Variants in EHMT1 observed in about 807,000 individuals in gnomAD.
EHMT1 encodes the protein euchromatic histone lysine methyltransferase 1.
Under a neutral mutation model 147.2 loss-of-function variants are expected in EHMT1, and 15 were observed. That is an observed-to-expected ratio of 0.10 (90% confidence interval 0.07 to 0.16). EHMT1 has a LOEUF of 0.16. EHMT1 is among the 10% of genes least tolerant of loss of function. EHMT1 has a pLI of 1.00. For synonymous variants in EHMT1, 795 were observed against 709.6 expected (o/e 1.12, Z -1.91); for missense variants, 1,587 against 1,772.4 (o/e 0.90, Z 1.88).
chr9:137,687,015 C>T (rs1429686275), intron 1 of EHMT1, among the ~76,000 whole-genome samples: 1 of 152,196 alleles, frequency 6.6e-6, no homozygotes. Context: ...AGGCATGAGC[C>T]ACCGCGCTGG....
intron 1 of EHMT1, among the ~76,000 whole-genome samples, chr9:137,709,968 C>A (rs1944555700): frequency 6.6e-6 from 1 of 152,136 alleles, no homozygotes; most frequent in Non-Finnish European, 1.5e-5. Flanking sequence ...TCCAACTGCC[C>A]AGAGTGGTCA....
chr9:137,743,571 T>G, intron 5 of EHMT1, 43 bp downstream of exon 5: 1 of 1,613,314 alleles, frequency 6.2e-7, no homozygotes, highest in Non-Finnish European at 8.5e-7. Flanking sequence ...TGCGTGGAAA[T>G]GCGTTTCTGT....
chr9:137,762,534 G>A (rs906310908), intron 9 of EHMT1, 141 bp from the exon 10 acceptor site: 1 of 1,439,568 alleles, frequency 6.9e-7, no homozygotes, highest in African/African-American at 1.4e-5. Context: ...CCCCACGCAG[G>A]GCTGTTTGTG....
Position 137,775,033 on chromosome 9 carries a change from C to A in EHMT1, c.1648-76C>A. On this transcript the variant is annotated intron_variant, in intron 10 of 26. Transcript: ENST00000460843. The surrounding 1 kb of genome is among the most constrained non-coding windows in gnomAD (Gnocchi z 6.1). ...GCTGAGCAGCTCTTGTGTGCCTGCA[C>A]TGCCCAGCGCCTGGTGGGAGGGAAT... 1 of 1,604,808 alleles carries A rather than the reference C, an allele frequency of 6.2e-7. No individual in the cohort carries two copies. Among genetic ancestry groups the A allele is most frequent in the Non-Finnish European group, 8.5e-7 (1 of 1,173,164 alleles).
chr9:137,667,011 C>T (rs529556761), intron 1 of EHMT1: 1 of 152,274 alleles, frequency 6.6e-6, no homozygotes, highest in East Asian at 1.9e-4. Flanking sequence ...TCTCCTAGCT[C>T]TGAGGAAACT....
intron 1 of EHMT1, among the ~76,000 whole-genome samples, chr9:137,701,625 AT>A (rs139537570): frequency 0.02 from 2,340 of 115,610 alleles, 24 homozygotes; most frequent in South Asian, 0.034. Flanking sequence ...TGCCTGGCTA[AT>A]TTTTTTTTTT....
At chr9:137,645,095 G>A (rs1419150933) in intron 1 of EHMT1, among the ~76,000 whole-genome samples, 3 of 152,056 alleles carry the variant, frequency 2.0e-5, no homozygotes, top group African/African-American at 7.2e-5. Flanking sequence ...CTGCTCTCGA[G>A]CTCCTGGCCT....
intron 15 of EHMT1, among the ~76,000 whole-genome samples, chr9:137,789,647 C>T (rs912478302): frequency 5.9e-5 from 9 of 152,226 alleles, no homozygotes; most frequent in Non-Finnish European, 1.2e-4. Context: ...GTGGACCCTG[C>T]GTTCTCTTTG....
At chr9:137,668,499 A>G (rs886130009) in intron 1 of EHMT1, among the ~76,000 whole-genome samples, 3 of 152,166 alleles carry the variant, frequency 2.0e-5, no homozygotes, top group African/African-American at 4.8e-5. Context: ...ATGACTTACT[A>G]TATACCAGAA....
rs138878191 is a variant in EHMT1 at position 137,791,008 on chromosome 9, T to C, written c.2505+38T>C. The C allele has an allele frequency of 4.3e-5, 69 of 1,614,176 alleles. 1 individual carries two copies. The African/African-American group carries it at 7.2e-4, about 17-fold the overall frequency. The stretch of plus-strand genomic sequence containing the variant: ...GTCAGAATCAACGTCCTAGTGTGTG[T>C]GTAGACGTTTCTCAGAAAGCTGAGC... On this transcript the variant is annotated intron_variant, in intron 16 of 26. Coordinates refer to ENST00000460843, the MANE Select transcript of EHMT1 (RefSeq NM_024757.5).
intron 10 of EHMT1, among the ~76,000 whole-genome samples, chr9:137,773,389 T>G (rs1228081686): frequency 6.6e-6 from 1 of 151,782 alleles, no homozygotes; most frequent in Non-Finnish European, 1.5e-5. Context: ...GTTCCATAGG[T>G]TTGGGGTGGG....
chr9:137,630,906 A>C (rs1481115366), intron 1 of EHMT1, among the ~76,000 whole-genome samples: 1 of 152,114 alleles, frequency 6.6e-6, no homozygotes, highest in Non-Finnish European at 1.5e-5. Flanking sequence ...TTTCATAACC[A>C]CTGTAGACAG....
In EHMT1 at chr9:137,834,523, G is replaced by C; in HGVS notation, c.3715G>C (p.Gly1239Arg). 1 of 1,610,220 alleles carries C rather than the reference G, an allele frequency of 6.2e-7. No homozygotes were observed. Among genetic ancestry groups the C allele is most frequent in the Non-Finnish European group, 8.5e-7 (1 of 1,179,664 alleles). The change falls in exon 26 of 27, where the codon GGG (glycine) becomes CGG (arginine). Residue 1239 changes from glycine (G) to arginine (R), a missense_variant and splice_region_variant. Gly to Arg is a moderately radical substitution (Grantham distance 125, BLOSUM62 -2). Coordinates refer to ENST00000460843, the MANE Select transcript of EHMT1 (RefSeq NM_024757.5). ...TRLIEAGEQL[G>R]FDYGERFWDI... ...CCTGATCGAGGCCGGCGAGCAGCTC[G>C]GGTACGCACCGCCCCGGCCCCTGGC...
intron 16 of EHMT1, among the ~76,000 whole-genome samples, chr9:137,795,460 CACAT>C (rs1352614780): frequency 2.6e-5 from 4 of 150,988 alleles, no homozygotes; most frequent in Middle Eastern, 3.4e-3. Context: ...CAGACACACA[CACAT>C]AAACACATTC....
chr9:137,703,721 T>C (rs1456833012), intron 1 of EHMT1, among the ~76,000 whole-genome samples: 1 of 152,162 alleles, frequency 6.6e-6, no homozygotes, highest in Non-Finnish European at 1.5e-5. Context: ...TCAAAAAGCC[T>C]CTAGGAAGTT....
chr9:137,833,851 C>T (rs1220885263), intron 25 of EHMT1, among the ~76,000 whole-genome samples: 2 of 152,250 alleles, frequency 1.3e-5, no homozygotes, highest in Non-Finnish European at 2.9e-5. Context: ...GTGCCATTCG[C>T]CACTGAGTCT....
intron 1 of EHMT1, chr9:137,619,995 C>G (rs557203742): frequency 5.0e-4 from 76 of 152,214 alleles, no homozygotes; most frequent in African/African-American, 1.7e-3. Flanking sequence ...ACTTCTAAAG[C>G]TTAGAAAGTT....
chr9:137,829,562 G>A (rs1247946477), intron 25 of EHMT1, among the ~76,000 whole-genome samples: 2 of 152,262 alleles, frequency 1.3e-5, no homozygotes, highest in Non-Finnish European at 2.9e-5. Flanking sequence ...TTCATCTACA[G>A]ACTCCTAGTT....
At chr9:137,777,690 A>G (rs1039591825) in intron 12 of EHMT1, among the ~76,000 whole-genome samples, 192 bp from the exon 13 acceptor site, 3 of 152,218 alleles carry the variant, frequency 2.0e-5, no homozygotes, top group African/African-American at 7.2e-5. Flanking sequence ...GCTGCCCAGA[A>G]GTCTAGGAAA....
Sources: allele counts gnomAD v4.1 joint callset (sites outside exome capture counted in the v4.1 genomes callset), GRCh38; gene constraint gnomAD v4.1.1; non-coding constraint Gnocchi (gnomAD v3.1); transcripts MANE v1.5; gene names NCBI Gene and HGNC (gene_info 2026-07-23, HGNC 2026-07-21).